Variants in TIMM23 observed in about 807,000 individuals in gnomAD.
The protein encoded by TIMM23 is translocase of inner mitochondrial membrane 23, also known as mitochondrial import inner membrane translocase subunit Tim23.
In TIMM23, 19 loss-of-function variants were observed where a neutral mutation model predicts 30.7. The ratio of observed to expected loss-of-function variants is 0.62; its 90% confidence interval spans 0.43 to 0.91. TIMM23 has a LOEUF of 0.91. Among genes scored for constraint, TIMM23 ranks in the 40% least tolerant of loss-of-function variants. TIMM23 has a pLI of 0.00. For missense variants in TIMM23, 202 were observed against 269.2 expected (o/e 0.75, Z 1.75); for synonymous variants, 78 against 98.5 (o/e 0.79, Z 1.23).
At chr10:46,002,239 AATCTC>A (rs1236094018) in intron 6 of TIMM23, 1 of 151,702 alleles carries the variant, frequency 6.6e-6, no homozygotes, top group East Asian at 1.9e-4. Flanking sequence ...GCAGTGGTGT[AATCTC>A]AGCTCACTGC....
In TIMM23 at chr10:45,972,580, C is replaced by T. The variant is rs1837522263; in HGVS notation, c.-45C>T. 1.9e-6 allele frequency: 3 copies of T among 1,601,820 alleles called. No homozygotes were observed. The highest frequency in any genetic ancestry group is 2.2e-5 in the South Asian group (2 of 90,048). On this transcript the variant is annotated 5_prime_UTR_variant, in exon 1 of 7. Transcript: ENST00000580018. ...AGGAGTAACGGCCCAGCGGACCACC[C>T]AGGCTTGAGGCAGCGGCGGGAACCA...
At chr10:45,985,360 T>G in intron 4 of TIMM23, 23 bp from the exon 5 acceptor site, 1 of 1,612,928 alleles carries the variant, frequency 6.2e-7, no homozygotes, top group East Asian at 2.2e-5. Flanking sequence ...AAATACAGAT[T>G]CTTTCTCTTT....
chr10:45,989,912 A>T (rs1554915361), intron 6 of TIMM23, among the ~76,000 whole-genome samples: 2 of 152,058 alleles, frequency 1.3e-5, no homozygotes, highest in Admixed American at 1.3e-4. Context: ...CTTAATTTTT[A>T]TTTTTATCAA....
At chr10:45,996,942 A>G (rs1554916803) in intron 6 of TIMM23, among the ~76,000 whole-genome samples, 143 of 146,758 alleles carry the variant, frequency 9.7e-4, no homozygotes, top group African/African-American at 3.5e-3. Flanking sequence ...TTTAGCCTGG[A>G]CGACAGAGTG....
chr10:45,986,847 G>A (rs1158467233), intron 5 of TIMM23, among the ~76,000 whole-genome samples: 1 of 151,872 alleles, frequency 6.6e-6, no homozygotes, highest in Non-Finnish European at 1.5e-5. Context: ...TTAATCTGAA[G>A]TATAGCAATT....
chr10:45,994,562 C>T (rs1340865458), intron 6 of TIMM23, among the ~76,000 whole-genome samples: 1 of 112,502 alleles, frequency 8.9e-6, no homozygotes, highest in African/African-American at 3.6e-5. Flanking sequence ...ATCTCAGCCT[C>T]CCAAGATGCT....
At chr10:45,977,158 C>T (rs1176920159) in intron 2 of TIMM23, among the ~76,000 whole-genome samples, 1 of 149,308 alleles carries the variant, frequency 6.7e-6, no homozygotes, top group Non-Finnish European at 1.5e-5. Context: ...AATGGCAGTG[C>T]TCACCAAATT....
chr10:46,002,810 A>ATTTTTTTTTT (rs386371331), intron 6 of TIMM23, among the ~76,000 whole-genome samples: 8 of 95,068 alleles, frequency 8.4e-5, no homozygotes, highest in South Asian at 4.0e-4. Flanking sequence ...ATTTCATAGT[A>ATTTTTTTTTT]TTTTTTTTTT....
In TIMM23 at chr10:45,979,633, T is replaced by A. The variant is rs1218980541; in HGVS notation, c.166-2890T>A. Among the ~76,000 whole-genome samples the A allele has an allele frequency of 8.0e-5, 11 of 137,184 alleles. No individual in the cohort carries two copies. In the South Asian group the frequency reaches 2.9e-3, roughly 36 times the overall value. 90.0% of individuals were successfully genotyped at this position (137,184 alleles called of 152,430 possible). ...TTTTTTTTTTTTTTTTTTTTTTTTT[T>A]AAGCATTATGGTTGGAACCTTTTAT... On this transcript the variant is annotated intron_variant, in intron 2 of 6. Transcript: ENST00000580018.
At chr10:46,002,285 C>A (rs1444170368) in intron 6 of TIMM23, 3 of 152,254 alleles carry the variant, frequency 2.0e-5, no homozygotes, top group African/African-American at 7.2e-5. Context: ...AAGCGATCCT[C>A]CTACCTCAGC....
intron 2 of TIMM23, among the ~76,000 whole-genome samples, chr10:45,978,391 A>C (rs1355089881): frequency 1.3e-5 from 2 of 152,192 alleles, no homozygotes; most frequent in Non-Finnish European, 2.9e-5. Context: ...ACTGAGAGAA[A>C]ATATTTGCAT....
At chr10:45,992,635 A>G (rs1372715278) in intron 6 of TIMM23, 56 of 413,842 alleles carry the variant, frequency 1.4e-4, no homozygotes, top group Non-Finnish European at 2.0e-4. Context: ...TTGGCTCATT[A>G]CAACCTCCAC....
chr10:45,980,944 C>T (rs1270220777), intron 2 of TIMM23, among the ~76,000 whole-genome samples: 88 of 125,110 alleles, frequency 7.0e-4, no homozygotes, highest in Middle Eastern at 3.9e-3. Context: ...GTTTTCTTTT[C>T]TTTTTTTTTT....
chr10:46,001,422 G>A (rs140723207), intron 6 of TIMM23, among the ~76,000 whole-genome samples: 1 of 152,238 alleles, frequency 6.6e-6, no homozygotes, highest in Non-Finnish European at 1.5e-5. Flanking sequence ...ATGACACTTA[G>A]CATTGGAAAA....
intron 6 of TIMM23, among the ~76,000 whole-genome samples, chr10:45,997,051 G>T (rs1396813691): frequency 1.3e-5 from 2 of 150,972 alleles, no homozygotes; most frequent in African/African-American, 4.9e-5. Context: ...TTGGAGACTA[G>T]CCTGGACAAC....
At chr10:45,980,733 C>T (rs1837816036) in intron 2 of TIMM23, among the ~76,000 whole-genome samples, 1 of 152,040 alleles carries the variant, frequency 6.6e-6, no homozygotes, top group African/African-American at 2.4e-5. Flanking sequence ...ACAGGTTTAA[C>T]AAGAGGTTTT....
At chr10:45,973,810 ATT>A (rs35822209) in intron 1 of TIMM23, among the ~76,000 whole-genome samples, 72 of 143,572 alleles carry the variant, frequency 5.0e-4, no homozygotes, top group African/African-American at 9.9e-4. Context: ...CGCCTGGCTA[ATT>A]TTTTTTTTTT....
At chr10:46,003,130 T>C (rs1554918070) in intron 6 of TIMM23, 73 bp from the exon 7 acceptor site, 1 of 1,251,724 alleles carries the variant, frequency 8.0e-7, no homozygotes, top group East Asian at 2.4e-5. Context: ...CAGTACTTTT[T>C]ATTTAACCCT....
At chr10:46,000,260 G>T (rs959695125) in intron 6 of TIMM23, among the ~76,000 whole-genome samples, 4 of 152,236 alleles carry the variant, frequency 2.6e-5, no homozygotes, top group Non-Finnish European at 5.9e-5. Flanking sequence ...CACAATTTAT[G>T]TTTAGAGATT....
Sources: gnomAD v4.1 joint callset for allele counts (sites outside exome capture counted in the v4.1 genomes callset) on GRCh38, gnomAD v4.1.1 for gene constraint, MANE v1.5 for transcripts, NCBI Gene and HGNC (gene_info 2026-07-23, HGNC 2026-07-21) for gene names.